SLC12A7: variants seen among roughly 807,000 people sequenced by gnomAD.
SLC12A7 encodes solute carrier family 12 member 7, also known as K-Cl cotransporter 4.
In SLC12A7, 100 loss-of-function variants were observed where a neutral mutation model predicts 120.6. The observed-to-expected ratio is 0.83, with a 90% CI of 0.71 to 0.98. SLC12A7 has a LOEUF of 0.98. SLC12A7 is among the 50% of genes least tolerant of loss of function. SLC12A7 has a pLI of 0.00. For synonymous variants in SLC12A7, 760 were observed against 678.0 expected (o/e 1.12, Z -1.88); for missense variants, 1,373 against 1,548.1 (o/e 0.89, Z 1.90).
chr5:1,060,949 C>T lies in SLC12A7; in HGVS notation c.2740-498G>A, dbSNP rs533246099. Among the ~76,000 whole-genome samples, 16 of 152,180 alleles carry T rather than the reference C, an allele frequency of 1.1e-4. 1 individual carries two copies. The highest frequency in any genetic ancestry group is 5.8e-4 in the East Asian group (3 of 5,174). The stretch of plus-strand genomic sequence containing the variant: ...CCGTGCGGGACCCCTGCGCCTCACC[C>T]GGAACATCCACAGTGTGGGACTGCT... On this transcript the variant is annotated intron_variant, in intron 20 of 23. Coordinates refer to ENST00000264930, the MANE Select transcript of SLC12A7 (RefSeq NM_006598.3).
At chr5:1,103,158 G>A (rs1036588353) in intron 1 of SLC12A7, among the ~76,000 whole-genome samples, 3 of 152,192 alleles carry the variant, frequency 2.0e-5, no homozygotes, top group Non-Finnish European at 4.4e-5. Flanking sequence ...TGGGACACGG[G>A]GGGCTTCAGG....
the SLC12A7 span, among the ~76,000 whole-genome samples, chr5:1,152,201 G>T: frequency 1.3e-5 from 2 of 152,156 alleles, no homozygotes; most frequent in African/African-American, 4.8e-5. Flanking sequence ...GAGGCTGTGC[G>T]ATCGTCTGGT....
chr5:1,096,979 C>A (rs746022587), intron 1 of SLC12A7, among the ~76,000 whole-genome samples: 28 of 152,048 alleles, frequency 1.8e-4, no homozygotes, highest in Non-Finnish European at 2.2e-4. Context: ...CAGCCAACCC[C>A]ACAGACAACC....
intron 18 of SLC12A7, among the ~76,000 whole-genome samples, 168 bp downstream of exon 18, chr5:1,065,109 AGGGGAC>A (rs1736875939): frequency 8.3e-6 from 1 of 120,772 alleles, no homozygotes. Context: ...GGGGACAGTG[AGGGGAC>A]GGCGAGGGGA....
At chr5:1,149,829 G>GA in the SLC12A7 span, among the ~76,000 whole-genome samples, 1 of 152,132 alleles carries the variant, frequency 6.6e-6, no homozygotes, top group Non-Finnish European at 1.5e-5. Context: ...AGGAGTTTGA[G>GA]ACCAGCCTGG....
the SLC12A7 span, among the ~76,000 whole-genome samples, chr5:1,120,479 T>C: frequency 2.0e-5 from 3 of 152,244 alleles, no homozygotes; most frequent in African/African-American, 7.2e-5. Context: ...CACCACGGTG[T>C]GCTGGCCAGA....
chr5:1,074,524 T>C, intron 16 of SLC12A7, 43 bp downstream of exon 16: 1 of 1,552,926 alleles, frequency 6.4e-7, no homozygotes, highest in Non-Finnish European at 8.8e-7. Flanking sequence ...CAGAAACAGC[T>C]CTTCTGTGCG....
At chr5:1,082,376 C>T (rs545746450) in intron 8 of SLC12A7, among the ~76,000 whole-genome samples, 4 of 129,000 alleles carry the variant, frequency 3.1e-5, no homozygotes, top group South Asian at 2.6e-4. Context: ...CTTCCCGTCT[C>T]GGGTTCTGGA....
chr5:1,112,464 C>A (rs1406428139), upstream of SLC12A7, among the ~76,000 whole-genome samples: 3 of 69,866 alleles, frequency 4.3e-5, no homozygotes, highest in Admixed American at 1.3e-4. Context: ...CTGCACCCCC[C>A]CACCCTTCCT....
the SLC12A7 span, among the ~76,000 whole-genome samples, chr5:1,148,205 CT>C: frequency 6.0e-3 from 648 of 107,554 alleles, 1 homozygote; most frequent in Middle Eastern, 0.017. Context: ...TTCTTTCTTT[CT>C]TTTTTTTTTT....
intron 3 of SLC12A7, among the ~76,000 whole-genome samples, chr5:1,092,124 G>A (rs767328886): frequency 2.6e-5 from 4 of 152,266 alleles, no homozygotes; most frequent in African/African-American, 4.8e-5. Context: ...ACCCCAGATT[G>A]AGGCTTCTCA....
the SLC12A7 span, among the ~76,000 whole-genome samples, chr5:1,142,356 C>T: frequency 9.8e-6 from 1 of 102,084 alleles, no homozygotes; most frequent in Admixed American, 9.4e-5. Flanking sequence ...TCTTCCCTCT[C>T]CCCTCTCCCC....
In SLC12A7 at chr5:1,065,420, G is replaced by C. The variant is rs368580714; in HGVS notation, c.2300C>G (p.Ser767Trp). Residue 767 changes from serine to tryptophan, a missense_variant, in exon 18 of 24, where the codon TCG becomes TGG. Physicochemically the swap from Ser to Trp is radical, Grantham distance 177 (BLOSUM62 -3). Coordinates refer to ENST00000264930, the MANE Select transcript of SLC12A7 (RefSeq NM_006598.3). ...GGACATGCCATCCCGCAGGCTGGAC[G>C]AGACCACCAGCTGGCAGAAGCCCTT... ...KTKGFCQLVV[S>W]SSLRDGMSHL... The C allele has an allele frequency of 6.2e-7, 1 of 1,611,858 alleles. No homozygotes were observed. The highest frequency in any genetic ancestry group is 8.5e-7 in the Non-Finnish European group (1 of 1,179,306).
chr5:1,099,087 C>G (rs1228120782), intron 1 of SLC12A7, among the ~76,000 whole-genome samples: 1 of 152,104 alleles, frequency 6.6e-6, no homozygotes, highest in African/African-American at 2.4e-5. Flanking sequence ...ACCCTCAGGG[C>G]AGGTCCCGGT....
At chr5:1,056,354 G>A (rs1010747976) in intron 22 of SLC12A7, among the ~76,000 whole-genome samples, 3 of 152,180 alleles carry the variant, frequency 2.0e-5, no homozygotes, top group Non-Finnish European at 4.4e-5. Context: ...GGCTTCAGGC[G>A]TGTGCTGGAG....
chr5:1,119,545 C>T, the SLC12A7 span, among the ~76,000 whole-genome samples: 1 of 152,254 alleles, frequency 6.6e-6, no homozygotes, highest in Non-Finnish European at 1.5e-5. Flanking sequence ...GCCGGCTCGC[C>T]GCCCATGGTG....
chr5:1,075,504 A>C lies in SLC12A7; in HGVS notation c.1848-14T>G. 1 of 1,606,782 alleles carries C rather than the reference A, an allele frequency of 6.2e-7. No individual in the cohort carries two copies. Among genetic ancestry groups the C allele is most frequent in the South Asian group, 1.1e-5 (1 of 90,826 alleles). On this transcript the variant is annotated splice_polypyrimidine_tract_variant and intron_variant, in intron 14 of 23. Coordinates refer to ENST00000264930, the MANE Select transcript of SLC12A7 (RefSeq NM_006598.3). ...AAGGACAGGGTCCTGGGGGCGGGGC[A>C]AGTGGCTCGGGGCGGCCCAACGCCA...
At chr5:1,098,997 C>T (rs1009254481) in intron 1 of SLC12A7, among the ~76,000 whole-genome samples, 8 of 151,980 alleles carry the variant, frequency 5.3e-5, no homozygotes, top group Non-Finnish European at 8.8e-5. Context: ...AGAGGACAAA[C>T]GGACACAGGG....
intron 22 of SLC12A7, chr5:1,056,595 C>T (rs770030261): frequency 3.0e-6 from 3 of 985,510 alleles, no homozygotes; most frequent in Non-Finnish European, 3.6e-6. Context: ...TTTCCCCATT[C>T]TCTATGCAGG....
Sources: gnomAD v4.1 joint callset for allele counts (sites outside exome capture counted in the v4.1 genomes callset) on GRCh38, gnomAD v4.1.1 for gene constraint, MANE v1.5 for transcripts, NCBI Gene and HGNC (gene_info 2026-07-23, HGNC 2026-07-21) for gene names.